The following UROC1 variants were observed in gnomAD, a reference collection of about 807,000 sequenced individuals.
The protein encoded by UROC1 is urocanate hydratase 1.
Under a neutral mutation model 89.5 loss-of-function variants are expected in UROC1, and 79 were observed. The observed-to-expected ratio is 0.88, with a 90% CI of 0.74 to 1.06. The LOEUF (loss-of-function observed/expected upper bound fraction) is 1.06, where lower values mean the gene tolerates loss of function less well. Among genes scored for constraint, UROC1 ranks in the 50% least tolerant of loss-of-function variants. The probability of loss-of-function intolerance (pLI) is 0.00; values close to 1 mark genes in which losing one functional copy is unlikely to be tolerated. For synonymous variants in UROC1, 361 were observed against 354.8 expected (o/e 1.02, Z -0.20); for missense variants, 885 against 907.8 (o/e 0.97, Z 0.32).
intron 18 of UROC1, among the ~76,000 whole-genome samples, chr3:126,487,797 A>G (rs960647538): frequency 4.6e-5 from 7 of 152,128 alleles, no homozygotes; most frequent in Non-Finnish European, 8.8e-5. Flanking sequence ...TGGGTTTTGC[A>G]CTCTCAAGTG....
chr3:126,513,596 G>A (rs534663836), intron 1 of UROC1, among the ~76,000 whole-genome samples: 6 of 152,304 alleles, frequency 3.9e-5, no homozygotes, highest in South Asian at 2.1e-4. Flanking sequence ...TACCCACCTC[G>A]GAGGACTGCC....
intron 6 of UROC1, among the ~76,000 whole-genome samples, chr3:126,507,020 A>G (rs1455695205): frequency 6.6e-6 from 1 of 151,890 alleles, no homozygotes; most frequent in South Asian, 2.1e-4. Context: ...TGGAGGTTGC[A>G]GTGAGCCGAG....
rs752162144 is a variant in UROC1, at chr3:126,483,461, C to T, written c.1798G>A (p.Val600Met). 3 of 1,613,856 alleles carry T rather than the reference C, an allele frequency of 1.9e-6. No individual in the cohort carries two copies. Among genetic ancestry groups the T allele is most frequent in the Admixed American group, 3.3e-5 (2 of 60,034 alleles). ...ACGAGGCCGAATCCCCCGTTGATCA[C>T]CTCACCCCTGCAGGAGGCAGAGGAG... ...HNGGGVGWGEVINGGFGLVLD... is the reference protein window; with the variant it reads ...HNGGGVGWGEMINGGFGLVLD... Residue 600 changes from valine to methionine, a missense_variant, in exon 19 of 20, where the codon GTG (valine) becomes ATG (methionine). Coordinates refer to ENST00000290868, the MANE Select transcript of UROC1 (RefSeq NM_144639.3).
In UROC1 at chr3:126,482,478, C is replaced by CG. The variant is rs1935411273; in HGVS notation, c.1897dup (p.Arg633ProfsTer12). On this transcript the variant is annotated frameshift_variant, in exon 20 of 20. Coordinates refer to ENST00000290868, the MANE Select transcript of UROC1 (RefSeq NM_144639.3). LOFTEE classifies it high-confidence loss of function. ...CTTCTGGTTCCCTGACCAGCAGCGC[C>CG]GGGCCACCTAGGGCAAGGAGGGGGA... 1.2e-6 allele frequency: 2 copies of CG among 1,613,982 alleles called. No individual in the cohort carries two copies. Among genetic ancestry groups the CG allele is most frequent in the East Asian group, 4.5e-5 (2 of 44,862 alleles).
At chr3:126,487,505 G>A (rs1935544522) in intron 18 of UROC1, among the ~76,000 whole-genome samples, 1 of 152,214 alleles carries the variant, frequency 6.6e-6, no homozygotes, top group South Asian at 2.1e-4. Flanking sequence ...CCGGGACTTG[G>A]CTCTGGAGGG....
chr3:126,490,701 C>A (rs548637713), intron 16 of UROC1, among the ~76,000 whole-genome samples: 4 of 151,680 alleles, frequency 2.6e-5, no homozygotes, highest in South Asian at 4.2e-4. Context: ...AAAATGAGTT[C>A]TAACTGGCAA....
chr3:126,488,744 G>A (rs1422383817), intron 17 of UROC1, among the ~76,000 whole-genome samples: 1 of 152,232 alleles, frequency 6.6e-6, no homozygotes, highest in African/African-American at 2.4e-5. Flanking sequence ...TCTGCAGAGA[G>A]AAACAGAGCC....
intron 18 of UROC1, among the ~76,000 whole-genome samples, chr3:126,485,876 A>G (rs1239116325): frequency 6.6e-6 from 1 of 152,162 alleles, no homozygotes; most frequent in African/African-American, 2.4e-5. Context: ...TAGATGGTGG[A>G]TAGAACACAG....
At chr3:126,506,071 C>A in intron 6 of UROC1, 60 bp from the exon 7 acceptor site, 3 of 1,597,660 alleles carry the variant, frequency 1.9e-6, no homozygotes, top group Non-Finnish European at 2.6e-6. Context: ...CAGGTCCTCC[C>A]AGCCACTCCT....
chr3:126,512,610 C>T (rs755316106), intron 1 of UROC1, among the ~76,000 whole-genome samples: 6 of 152,134 alleles, frequency 3.9e-5, no homozygotes, highest in African/African-American at 9.7e-5. Flanking sequence ...GTGGTCCCAG[C>T]TACTCGGGAG....
At chr3:126,487,698 G>A (rs947800048) in intron 18 of UROC1, among the ~76,000 whole-genome samples, 3 of 152,236 alleles carry the variant, frequency 2.0e-5, no homozygotes, top group Non-Finnish European at 4.4e-5. Context: ...GAGAATAGCC[G>A]GGCAGGGGCA....
intron 15 of UROC1, among the ~76,000 whole-genome samples, 190 bp from the exon 16 acceptor site, chr3:126,492,706 A>G (rs1176041796): frequency 6.6e-6 from 1 of 152,074 alleles, no homozygotes; most frequent in East Asian, 1.9e-4. Flanking sequence ...GTGAGCCCCC[A>G]CATTCAGCCC....
At chr3:126,512,214 A>G (rs1194027492) in intron 1 of UROC1, among the ~76,000 whole-genome samples, 2 of 152,192 alleles carry the variant, frequency 1.3e-5, no homozygotes, top group African/African-American at 2.4e-5. Context: ...GGTGGCCTGG[A>G]GGGAGGCCCA....
chr3:126,496,985 C>T (rs988796040), intron 14 of UROC1, among the ~76,000 whole-genome samples: 2 of 152,148 alleles, frequency 1.3e-5, no homozygotes, highest in Non-Finnish European at 2.9e-5. Flanking sequence ...GAGGGCTGGT[C>T]GTTCCCCACT....
rs538035823 is a variant in UROC1 at position 126,507,132 on chromosome 3, CTTT to C, written c.602+607_602+609del. ...CATTACCTCTATAACAAATGAAAAG[CTTT>C]CATTCCCTGAGAGGGGCTGTGCGAG... On this transcript the variant is annotated intron_variant, in intron 6 of 19. Coordinates refer to ENST00000290868, the MANE Select transcript of UROC1 (RefSeq NM_144639.3). Among the ~76,000 whole-genome samples the C allele has an allele frequency of 4.6e-3, 705 of 152,220 alleles. 9 individuals carry two copies. Among genetic ancestry groups the C allele is most frequent in the African/African-American group, 0.013 (560 of 41,532 alleles).
At chr3:126,498,205 C>T (rs776485858) in intron 13 of UROC1, 33 bp from the exon 14 acceptor site, 27 of 1,613,660 alleles carry the variant, frequency 1.7e-5, no homozygotes, top group African/African-American at 4.0e-5. Flanking sequence ...ACCCTGGGCC[C>T]GCTGGCTTGT....
intron 1 of UROC1, 136 bp from the exon 2 acceptor site, chr3:126,510,930 G>T: frequency 2.2e-6 from 3 of 1,348,564 alleles, no homozygotes; most frequent in Non-Finnish European, 3.0e-6. Context: ...CCCAGAGACT[G>T]TTCTCACCCC....
intron 18 of UROC1, among the ~76,000 whole-genome samples, chr3:126,485,901 C>G (rs957366990): frequency 5.9e-5 from 9 of 152,100 alleles, no homozygotes; most frequent in Admixed American, 5.9e-4. Flanking sequence ...TTACCCCTGC[C>G]CCTCCTGCAT....
chr3:126,482,514 T>C (rs748738103), intron 19 of UROC1, 29 bp from the exon 20 acceptor site: 26 of 1,613,498 alleles, frequency 1.6e-5, no homozygotes, highest in Admixed American at 5.0e-5. Context: ...TAGCAGTCCA[T>C]GTCAACATAA....
Sources: allele counts gnomAD v4.1 joint callset (sites outside exome capture counted in the v4.1 genomes callset), GRCh38; gene constraint gnomAD v4.1.1; transcripts MANE v1.5; gene names NCBI Gene and HGNC (gene_info 2026-07-23, HGNC 2026-07-21).